SEC61G: variants seen among roughly 807,000 people sequenced by gnomAD.
SEC61G encodes the protein SEC61 translocon subunit gamma.
Under a neutral mutation model 7.5 loss-of-function variants are expected in SEC61G, and 4 were observed. That is an observed-to-expected ratio of 0.54 (90% CI 0.26 to 1.22). The LOEUF (loss-of-function observed/expected upper bound fraction) is 1.22, where lower values mean the gene tolerates loss of function less well. SEC61G is among the 50% of genes most tolerant of loss of function. SEC61G has a pLI of 0.12. For missense variants in SEC61G, 53 were observed against 84.6 expected, an observed-to-expected ratio of 0.63 and a Z score of 1.46; for synonymous variants, 24 against 24.4, an observed-to-expected ratio of 0.98 and a Z score of 0.05.
intron 2 of SEC61G, among the ~76,000 whole-genome samples, 168 bp downstream of exon 2, chr7:54,757,327 G>A (rs1260283457): frequency 6.6e-6 from 1 of 152,046 alleles, no homozygotes; most frequent in Non-Finnish European, 1.5e-5. Context: ...AAATTTAGAC[G>A]AGTAAAAAAT....
At chr7:54,756,042 G>A (rs1410736505) in intron 2 of SEC61G, among the ~76,000 whole-genome samples, 161 bp from the exon 3 acceptor site, 2 of 152,112 alleles carry the variant, frequency 1.3e-5, no homozygotes, top group Non-Finnish European at 2.9e-5. Context: ...CAGTAAACAA[G>A]TTGTTTGACA....
chr7:54,756,491 A>G (rs900575505), intron 2 of SEC61G, among the ~76,000 whole-genome samples: 1 of 152,176 alleles, frequency 6.6e-6, no homozygotes, highest in Non-Finnish European at 1.5e-5. Context: ...CCCTGGCTCC[A>G]CTAAAAATAC....
intron 1 of SEC61G, 44 bp from the exon 2 acceptor site, chr7:54,757,638 C>T (rs1791546812): frequency 6.7e-7 from 1 of 1,490,032 alleles, no homozygotes; most frequent in Non-Finnish European, 9.3e-7. Flanking sequence ...GGTTCTCATA[C>T]AATAAGCACT....
chr7:54,756,437 C>T (rs1791515663), intron 2 of SEC61G, among the ~76,000 whole-genome samples: 1 of 152,106 alleles, frequency 6.6e-6, no homozygotes, highest in African/African-American at 2.4e-5. Context: ...GGGCAGATCA[C>T]CCGAGGTCAG....
In SEC61G at chr7:54,759,154, T is replaced by C. The variant is rs748875812; in HGVS notation, c.-7+4A>G. 1 of 518,652 alleles carries C rather than the reference T, an allele frequency of 1.9e-6. No homozygotes were observed. 32.1% of individuals were successfully genotyped at this position (518,652 alleles called of 1,614,324 possible). ...CCCGTACCGACCGGTGGGAAGAAAC[T>C]CACCTACCCAACCGACACCTAAAAT... On this transcript the variant is annotated splice_donor_region_variant and intron_variant, in intron 1 of 3. Transcript: ENST00000352861.
Position 54,755,817 on chromosome 7 carries a change from A to T in SEC61G, c.159T>A (p.Phe53Leu). 1.3e-6 allele frequency: 2 copies of T among 1,587,294 alleles called. No individual in the cohort carries two copies. The highest frequency in any genetic ancestry group is 1.7e-6 in the Non-Finnish European group (2 of 1,164,250). ...GFAIMGFIGF[F>L]VKLIHIPINN... The stretch of plus-strand genomic sequence containing the variant: ...TAATAGGAATATGGATCAATTTCAC[A>T]AAGAAGCCAATGAATCCCATTATAG... Residue 53 changes from phenylalanine to leucine, a missense_variant, in exon 3 of 4, where the codon TTT (phenylalanine) becomes TTA (leucine). Coordinates refer to ENST00000352861, the MANE Select transcript of SEC61G (RefSeq NM_014302.4).
In SEC61G at chr7:54,755,838, TA is replaced by T. The variant is rs1168249658; in HGVS notation, c.137del (p.Ile46LysfsTer9). On this transcript the variant is annotated frameshift_variant, in exon 3 of 4. Transcript: ENST00000352861. LOFTEE classifies it high-confidence loss of function. The part of the protein sequence containing the change: ...IAMATAIGFA[I>X]MGFIGFFVKL... ...TCACAAAGAAGCCAATGAATCCCATTATAGCAAATCCTATTGCTGTTGCCAT... is the reference window on the plus strand; with the variant it reads ...TCACAAAGAAGCCAATGAATCCCATTTAGCAAATCCTATTGCTGTTGCCAT... 6 of 1,595,398 alleles carry T rather than the reference TA, an allele frequency of 3.8e-6. No homozygotes were observed. The highest frequency in any genetic ancestry group is 4.3e-6 in the Non-Finnish European group (5 of 1,169,756).
rs1407250708 is a variant in SEC61G, at chr7:54,755,859, T to G, written c.117A>C (p.Ala39=). The G allele has an allele frequency of 9.5e-6, 15 of 1,585,838 alleles. No homozygotes were observed. The highest frequency in any genetic ancestry group is 1.2e-5 in the Non-Finnish European group (14 of 1,164,014). ...DRKEFQKIAM[A]TAIGFAIMGF... ...CCATTATAGCAAATCCTATTGCTGT[T>G]GCCATGGCAATCTTCTGGAATTCTG... The change falls in exon 3 of 4, where the codon GCA becomes GCC. Residue 39 remains alanine, a synonymous_variant. Transcript: ENST00000352861.
chr7:54,758,831 G>C (rs563963645), intron 1 of SEC61G, among the ~76,000 whole-genome samples: 1 of 152,306 alleles, frequency 6.6e-6, no homozygotes, highest in South Asian at 2.1e-4. Flanking sequence ...ACAGCACACA[G>C]AGCCAACCCC....
chr7:54,758,993 G>T, intron 1 of SEC61G, 165 bp downstream of exon 1: 5 of 323,572 alleles, frequency 1.5e-5, no homozygotes, highest in South Asian at 1.1e-4. Flanking sequence ...GAGTTGGTGG[G>T]ATGTCGGCGG....
chr7:54,757,650 GCT>G, intron 1 of SEC61G, 56 bp from the exon 2 acceptor site: 1 of 1,392,526 alleles, frequency 7.2e-7, no homozygotes. Context: ...ATAAGCACTT[GCT>G]CATTTATATA....
intron 2 of SEC61G, among the ~76,000 whole-genome samples, chr7:54,756,540 C>T (rs975003457): frequency 6.6e-6 from 1 of 152,154 alleles, no homozygotes; most frequent in African/African-American, 2.4e-5. Context: ...CCTGTAATCC[C>T]AGCTACTCAG....
Position 54,755,892 on chromosome 7 carries a change from A to G in SEC61G, c.95-11T>C, listed in dbSNP as rs1341896481. The G allele has an allele frequency of 6.5e-7, 1 of 1,539,472 alleles. No individual in the cohort carries two copies. The highest frequency in any genetic ancestry group is 8.8e-7 in the Non-Finnish European group (1 of 1,130,350). ...CAATCTTCTGGAATTCTGCATTTAA[A>G]AACAGGAAATTCACATATTTTTTGC... is the stretch of plus-strand genomic sequence containing the variant. On this transcript the variant is annotated splice_polypyrimidine_tract_variant and intron_variant, in intron 2 of 3. Coordinates refer to ENST00000352861, the MANE Select transcript of SEC61G (RefSeq NM_014302.4).
chr7:54,752,763 T>C (rs778558501), intron 3 of SEC61G, among the ~76,000 whole-genome samples: 1 of 152,188 alleles, frequency 6.6e-6, no homozygotes, highest in Admixed American at 6.5e-5. Flanking sequence ...GTTGATAAAG[T>C]TGACACACCA....
At chr7:54,758,772 G>A (rs560219292) in intron 1 of SEC61G, among the ~76,000 whole-genome samples, 1 of 152,288 alleles carries the variant, frequency 6.6e-6, no homozygotes, top group African/African-American at 2.4e-5. Flanking sequence ...CCACGGAAGC[G>A]GCGGCAGGAC....
At position 54,756,928 on chromosome 7, in the gene SEC61G, T is replaced by TTATATACTATATACTATACTATA. The variant is rs1554347126; in HGVS notation, c.94+544_94+566dup. On this transcript the variant is annotated intron_variant, in intron 2 of 3. Coordinates refer to ENST00000352861, the MANE Select transcript of SEC61G (RefSeq NM_014302.4). The stretch of plus-strand genomic sequence containing the variant: ...TAATATATACATGTTATATACTATA[T>TTATATACTATATACTATACTATA]TATATACTATATACTATACTATATA... Among the ~76,000 whole-genome samples, 227 of 148,006 alleles carry TTATATACTATATACTATACTATA rather than the reference T, an allele frequency of 1.5e-3. 1 individual carries two copies. Among genetic ancestry groups the TTATATACTATATACTATACTATA allele is most frequent in the Non-Finnish European group, 1.8e-3 (119 of 67,242 alleles).
intron 2 of SEC61G, among the ~76,000 whole-genome samples, chr7:54,756,779 T>C (rs1337761941): frequency 2.0e-5 from 3 of 152,066 alleles, no homozygotes; most frequent in African/African-American, 4.8e-5. Flanking sequence ...AACTTCCTTC[T>C]AGTTATCTTC....
chr7:54,753,490 C>G (rs1791452211), intron 3 of SEC61G, among the ~76,000 whole-genome samples: 1 of 152,072 alleles, frequency 6.6e-6, no homozygotes, highest in Admixed American at 6.6e-5. Context: ...TAAGAAAAAA[C>G]TGATAATTCA....
intron 1 of SEC61G, among the ~76,000 whole-genome samples, chr7:54,758,334 C>T (rs1286237660): frequency 1.3e-5 from 2 of 152,188 alleles, no homozygotes; most frequent in East Asian, 3.8e-4. Context: ...AGAGCCACTG[C>T]TATAGTAAGT....
Sources: gnomAD v4.1 joint callset for allele counts (sites outside exome capture counted in the v4.1 genomes callset) on GRCh38, gnomAD v4.1.1 for gene constraint, MANE v1.5 for transcripts, NCBI Gene and HGNC (gene_info 2026-07-23, HGNC 2026-07-21) for gene names.